Variants in HNRNPR observed in about 807,000 individuals in gnomAD.
HNRNPR encodes the protein heterogeneous nuclear ribonucleoprotein R.
In HNRNPR, 4 loss-of-function variants were observed where a neutral mutation model predicts 70.3. That is an observed-to-expected ratio of 0.06 (90% CI 0.03 to 0.13). The LOEUF is 0.13. HNRNPR is among the 10% of genes least tolerant of loss of function. HNRNPR has a pLI of 1.00. For missense variants in HNRNPR, 423 were observed against 788.5 expected (o/e 0.54, Z 5.55); for synonymous variants, 241 against 267.6 (o/e 0.90, Z 0.97).
rs1413123926 is a variant in HNRNPR, at chr1:23,318,109, C to A, written c.1017+374G>T. Among the ~76,000 whole-genome samples the A allele has an allele frequency of 6.6e-6, 1 of 150,572 alleles. No homozygotes were observed. The highest frequency in any genetic ancestry group is 2.4e-5 in the African/African-American group (1 of 40,990). On this transcript the variant is annotated intron_variant, in intron 8 of 10. Transcript: ENST00000302271. This position sits in a 1 kb window ranked among gnomAD's most constrained non-coding sequence, Gnocchi z 4.2. ...CCAAGTAATAAAGTCATAATATAGT[C>A]AATGAAGATTATAACTTATAATCTC...
intron 4 of HNRNPR, 66 bp from the exon 5 acceptor site, chr1:23,333,697 A>C (rs1450707017): frequency 1.1e-6 from 1 of 903,462 alleles, no homozygotes; most frequent in Non-Finnish European, 1.8e-6. Flanking sequence ...TCAGTGTATT[A>C]ATCTTTTCCA....
intron 4 of HNRNPR, among the ~76,000 whole-genome samples, chr1:23,336,116 C>A (rs1394655618): frequency 1.7e-3 from 85 of 49,456 alleles, no homozygotes; most frequent in South Asian, 4.0e-3. Flanking sequence ...GACTCCGTCT[C>A]AAAAAAAAAA....
intron 5 of HNRNPR, among the ~76,000 whole-genome samples, chr1:23,330,257 C>T (rs2148429477): frequency 6.6e-6 from 1 of 152,166 alleles, no homozygotes; most frequent in African/African-American, 2.4e-5. Context: ...CAGAACTTGG[C>T]CAGGCGAGGT....
rs1199850922 is a variant in HNRNPR at position 23,305,536 on chromosome 1, T to A, written c.*4918A>T. On this transcript the variant is annotated 3_prime_UTR_variant, in exon 11 of 11. Coordinates refer to ENST00000302271, the MANE Select transcript of HNRNPR (RefSeq NM_005826.5). ...GAATACTGAGAAGGTTCTTCAGGCA[T>A]GAAAATCCATAATTACTTTTAATCA... 6.6e-6 allele frequency: 1 copy of A among 152,168 alleles called. No homozygotes were observed. Among genetic ancestry groups the A allele is most frequent in the Non-Finnish European group, 1.5e-5 (1 of 68,012 alleles). The allele number at this position is 152,168 out of a possible 1,614,324, so 9.4% of individuals were successfully genotyped here.
At chr1:23,336,978 A>G (rs968518885) in intron 4 of HNRNPR, among the ~76,000 whole-genome samples, 1 of 152,196 alleles carries the variant, frequency 6.6e-6, no homozygotes, top group Non-Finnish European at 1.5e-5. Context: ...TGCTTTATAT[A>G]TGTTAATTCA....
Position 23,309,386 on chromosome 1 carries a change from A to C in HNRNPR, c.*1068T>G, listed in dbSNP as rs1230859075. Reference sequence around the variant, plus strand: ...TGTACATTCACTTATCCAGCAAATAAGGTCTTCAGTCACAAATTATCCCTT... The same window carrying C: ...TGTACATTCACTTATCCAGCAAATACGGTCTTCAGTCACAAATTATCCCTT... On this transcript the variant is annotated 3_prime_UTR_variant, in exon 11 of 11. Coordinates refer to ENST00000302271, the MANE Select transcript of HNRNPR (RefSeq NM_005826.5). The C allele has an allele frequency of 6.6e-6, 1 of 152,180 alleles. No homozygotes were observed. Among genetic ancestry groups the C allele is most frequent in the East Asian group, 1.9e-4 (1 of 5,206 alleles). The allele number at this position is 152,180 out of a possible 1,614,324, so 9.4% of individuals were successfully genotyped here. A position where few individuals can be genotyped will look rare whatever the true frequency, so the allele number is the denominator to read the frequency against.
At chr1:23,343,863 G>T (rs1000011953) in intron 1 of HNRNPR, among the ~76,000 whole-genome samples, 4 of 152,120 alleles carry the variant, frequency 2.6e-5, no homozygotes, top group Non-Finnish European at 1.5e-5. Context: ...GGGGAGAAGC[G>T]GCAGGGCCGC....
At chr1:23,314,900 G>GTT (rs1221641348) in intron 8 of HNRNPR, among the ~76,000 whole-genome samples, 1 of 152,098 alleles carries the variant, frequency 6.6e-6, no homozygotes, top group Admixed American at 6.6e-5. Context: ...TTCCAGCACT[G>GTT]TAAGAGCAAA....
intron 5 of HNRNPR, among the ~76,000 whole-genome samples, chr1:23,327,024 C>G (rs535625110): frequency 2.0e-5 from 3 of 152,198 alleles, no homozygotes; most frequent in African/African-American, 7.2e-5. Context: ...TCTGATTGCC[C>G]CCGTCTACCT....
chr1:23,335,893 G>A (rs899881926), intron 4 of HNRNPR, among the ~76,000 whole-genome samples: 20 of 149,180 alleles, frequency 1.3e-4, no homozygotes, highest in South Asian at 4.3e-4. Flanking sequence ...TGAGGCGGGC[G>A]GATCACGAGG....
intron 8 of HNRNPR, among the ~76,000 whole-genome samples, chr1:23,316,639 C>A (rs905194713): frequency 6.6e-6 from 1 of 151,968 alleles, no homozygotes; most frequent in Non-Finnish European, 1.5e-5. Flanking sequence ...GTAATACAGG[C>A]TATACTTAGT....
intron 6 of HNRNPR, among the ~76,000 whole-genome samples, chr1:23,322,635 CTT>C (rs1288957851): frequency 2.0e-5 from 3 of 152,008 alleles, no homozygotes; most frequent in African/African-American, 7.2e-5. Context: ...AAAATGAAAA[CTT>C]AATATTAAAT....
At chr1:23,317,436 A>T (rs1645590313) in intron 8 of HNRNPR, among the ~76,000 whole-genome samples, 1 of 150,892 alleles carries the variant, frequency 6.6e-6, no homozygotes. Context: ...CCAGCCTGGG[A>T]CAAAGCAAGA....
chr1:23,329,391 C>T (rs1402288151), intron 5 of HNRNPR, among the ~76,000 whole-genome samples: 1 of 152,170 alleles, frequency 6.6e-6, no homozygotes, highest in African/African-American at 2.4e-5. Context: ...GGAATACTTT[C>T]CTTTTATTAA....
chr1:23,318,704 C>CCAGA lies in HNRNPR; in HGVS notation c.812-20_812-17dup, dbSNP rs1645641829. On this transcript the variant is annotated splice_polypyrimidine_tract_variant and intron_variant, in intron 7 of 10. Transcript: ENST00000302271. This position sits in a 1 kb window ranked among gnomAD's most constrained non-coding sequence, Gnocchi z 4.2. ...ACCAAACCCTCTGTTAAACCAACAG[C>CCAGA]CAGATATATAAGCCAAAAGCATCCA... 1 of 1,613,092 alleles carries CCAGA rather than the reference C, an allele frequency of 6.2e-7. No homozygotes were observed. The highest frequency in any genetic ancestry group is 1.7e-5 in the Admixed American group (1 of 59,878).
intron 4 of HNRNPR, 67 bp from the exon 5 acceptor site, chr1:23,333,698 A>G: frequency 1.1e-6 from 1 of 908,092 alleles, no homozygotes; most frequent in Non-Finnish European, 1.7e-6. Flanking sequence ...CAGTGTATTA[A>G]TCTTTTCCAA....
rs1228140894 is a variant in HNRNPR, at chr1:23,331,380, G to A, written c.498+2138C>T. Among the ~76,000 whole-genome samples the A allele has an allele frequency of 6.5e-5, 9 of 138,686 alleles. No homozygotes were observed. In the East Asian group the frequency reaches 1.0e-3, roughly 16 times the overall value. The allele number at this position is 138,686 out of a possible 152,430, so 91.0% of individuals were successfully genotyped here. ...AGTTGGAGACCAGTTGGGCAACACA[G>A]GGAGACTCCATCTCCACAAAAAATT... On this transcript the variant is annotated intron_variant, in intron 5 of 10. Transcript: ENST00000302271.
At chr1:23,314,136 A>G (rs1277172012) in intron 8 of HNRNPR, among the ~76,000 whole-genome samples, 2 of 152,174 alleles carry the variant, frequency 1.3e-5, no homozygotes, top group African/African-American at 4.8e-5. Context: ...TAAACAAACT[A>G]TAATGCTTAA....
At chr1:23,334,029 T>C in intron 4 of HNRNPR, among the ~76,000 whole-genome samples, 1 of 151,990 alleles carries the variant, frequency 6.6e-6, no homozygotes, top group East Asian at 1.9e-4. Flanking sequence ...TTCTCTTGTC[T>C]CAGCCTCCCA....
Sources: allele counts gnomAD v4.1 joint callset (sites outside exome capture counted in the v4.1 genomes callset), GRCh38; gene constraint gnomAD v4.1.1; non-coding constraint Gnocchi (gnomAD v3.1); transcripts MANE v1.5; gene names NCBI Gene and HGNC (gene_info 2026-07-23, HGNC 2026-07-21).